Variants in RBM25 observed in about 807,000 individuals in gnomAD.
RBM25 encodes the protein RNA-binding protein 25.
RBM25 carries 19 observed loss-of-function variants against 120.7 expected under a neutral mutation model. The observed-to-expected ratio is 0.16, with a 90% CI of 0.11 to 0.23. RBM25 has a LOEUF of 0.23. Ranked by LOEUF, RBM25 falls within the 10% of genes least tolerant of loss-of-function variation. The pLI, the probability that RBM25 is intolerant of heterozygous loss-of-function variation, is 1.00. For synonymous variants in RBM25, 390 were observed against 326.7 expected, an observed-to-expected ratio of 1.19 and a Z score of -2.09; for missense variants, 605 against 1,041.5, an observed-to-expected ratio of 0.58 and a Z score of 5.77.
chr14:73,083,384 TTTTTA>T (rs1566588226), intron 4 of RBM25, 105 bp from the exon 5 acceptor site: 6 of 878,706 alleles, frequency 6.8e-6, no homozygotes, highest in Non-Finnish European at 6.5e-6. Context: ...AGTTGCTGGT[TTTTTA>T]TTTTATGTTT....
chr14:73,063,449 C>T (rs957835314), intron 1 of RBM25, among the ~76,000 whole-genome samples: 1 of 151,176 alleles, frequency 6.6e-6, no homozygotes. Flanking sequence ...GCGCCCGGCC[C>T]GGAGTTTCAT....
chr14:73,122,014 A>C lies in RBM25; in HGVS notation c.*2209A>C, dbSNP rs921934454. 7 of 152,246 alleles carry C rather than the reference A, an allele frequency of 4.6e-5. No individual in the cohort carries two copies. The highest frequency in any genetic ancestry group is 1.7e-4 in the African/African-American group (7 of 41,466). 9.4% of individuals were successfully genotyped at this position (152,246 alleles called of 1,614,324 possible). On this transcript the variant is annotated 3_prime_UTR_variant, in exon 19 of 19. Transcript: ENST00000261973. ...CAGTTTAAATCATGTTTTGTAACCA[A>C]GCTTCAGTAAAAGGCTTTAGATTGT...
intron 4 of RBM25, among the ~76,000 whole-genome samples, chr14:73,082,078 C>T (rs958655726): frequency 6.6e-6 from 1 of 152,112 alleles, no homozygotes; most frequent in Admixed American, 6.6e-5. Context: ...GTTGAGCTTC[C>T]AGGTTTGACC....
At chr14:73,068,060 T>A (rs1895184113) in intron 1 of RBM25, 1 of 515,376 alleles carries the variant, frequency 1.9e-6, no homozygotes, top group Non-Finnish European at 3.6e-6. Context: ...TGGTTTAGCG[T>A]GAGCAGTGAT....
At chr14:73,083,719 T>C (rs1250399868) in intron 5 of RBM25, among the ~76,000 whole-genome samples, 168 bp downstream of exon 5, 1 of 151,978 alleles carries the variant, frequency 6.6e-6, no homozygotes, top group African/African-American at 2.4e-5. Flanking sequence ...TGGGAAAATA[T>C]TGGCTGAGAA....
At chr14:73,083,622 C>G in intron 5 of RBM25, 71 bp downstream of exon 5, 1 of 1,085,594 alleles carries the variant, frequency 9.2e-7, no homozygotes, top group Non-Finnish European at 1.3e-6. Flanking sequence ...CTTTGCATGA[C>G]TTAACTCTCA....
intron 14 of RBM25, among the ~76,000 whole-genome samples, chr14:73,110,366 T>G (rs1460628984): frequency 6.6e-6 from 1 of 152,010 alleles, no homozygotes; most frequent in African/African-American, 2.4e-5. Flanking sequence ...TATGCTTTTT[T>G]GTAGAGATGG....
At chr14:73,095,934 A>T (rs957815438) in intron 6 of RBM25, among the ~76,000 whole-genome samples, 3 of 152,194 alleles carry the variant, frequency 2.0e-5, no homozygotes, top group Non-Finnish European at 4.4e-5. Context: ...TTAGAAGCCA[A>T]CAATTTTCCC....
intron 18 of RBM25, among the ~76,000 whole-genome samples, chr14:73,115,188 G>GTGTA (rs749617946): frequency 6.3e-5 from 9 of 142,922 alleles, no homozygotes; most frequent in Non-Finnish European, 1.4e-4. Context: ...GTGTGTGTGT[G>GTGTA]TTTTAAGTCG....
chr14:73,073,072 A>G (rs1198043813), intron 2 of RBM25, among the ~76,000 whole-genome samples: 1 of 152,046 alleles, frequency 6.6e-6, no homozygotes, highest in African/African-American at 2.4e-5. Flanking sequence ...TTTTGCCACC[A>G]TGTTCAGTTA....
chr14:73,069,769 AAAAAAAAAAAGT>A (rs1304676880), intron 1 of RBM25: 58 of 143,056 alleles, frequency 4.1e-4, no homozygotes, highest in African/African-American at 1.4e-3. Context: ...AAAAAAAAAA[AAAAAAAAAAAGT>A]GTGTTGCTGA....
At chr14:73,114,230 A>G in intron 17 of RBM25, 56 bp from the exon 18 acceptor site, 1 of 1,265,400 alleles carries the variant, frequency 7.9e-7, no homozygotes, top group Non-Finnish European at 1.1e-6. Flanking sequence ...AAATTTCTTG[A>G]CTGTATTGTT....
At chr14:73,063,422 T>C (rs1329106699) in intron 1 of RBM25, among the ~76,000 whole-genome samples, 1 of 151,320 alleles carries the variant, frequency 6.6e-6, no homozygotes, top group Non-Finnish European at 1.5e-5. Context: ...GTGCTGGGAT[T>C]ACAGGCTTGA....
rs911852431 is a variant in RBM25, at chr14:73,076,951, C to T, written c.157-418C>T. Among the ~76,000 whole-genome samples, 7 of 152,128 alleles carry T rather than the reference C, an allele frequency of 4.6e-5. No individual in the cohort carries two copies. The East Asian group carries it at 5.8e-4, about 13-fold the overall frequency. On this transcript the variant is annotated intron_variant, in intron 3 of 18. Transcript: ENST00000261973. Reference sequence around the variant, plus strand: ...AAAAAATTATCTAGGCTTGGTGGTGCGCGCCTGTAATCTCAGCTACTCGGG... The same window carrying T: ...AAAAAATTATCTAGGCTTGGTGGTGTGCGCCTGTAATCTCAGCTACTCGGG...
chr14:73,096,686 G>T (rs950279621), intron 6 of RBM25, among the ~76,000 whole-genome samples: 1 of 152,120 alleles, frequency 6.6e-6, no homozygotes, highest in Non-Finnish European at 1.5e-5. Flanking sequence ...TTAGGGACCA[G>T]AATTTTTTAG....
Position 73,076,487 on chromosome 14 carries a change from C to T in RBM25, c.156+119C>T, listed in dbSNP as rs976285788. On this transcript the variant is annotated intron_variant, in intron 3 of 18. Coordinates refer to ENST00000261973, the MANE Select transcript of RBM25 (RefSeq NM_021239.3). ...TAAAAGAATAACAAGGACAGAATGA[C>T]AGCACCCCTGTAGAGCATATCATTT... 6 of 874,688 alleles carry T rather than the reference C, an allele frequency of 6.9e-6. No homozygotes were observed. The East Asian group carries it at 1.3e-4, about 19-fold the overall frequency. The allele number at this position is 874,688 out of a possible 1,614,324, so 54.2% of individuals were successfully genotyped here. A position where few individuals can be genotyped will look rare whatever the true frequency, so the allele number is the denominator to read the frequency against.
At chr14:73,077,090 A>G (rs1895440829) in intron 3 of RBM25, among the ~76,000 whole-genome samples, 1 of 152,236 alleles carries the variant, frequency 6.6e-6, no homozygotes, top group African/African-American at 2.4e-5. Flanking sequence ...CAGAAAATAA[A>G]AGTAAAAATT....
intron 5 of RBM25, among the ~76,000 whole-genome samples, chr14:73,084,984 A>G (rs530061791): frequency 1.8e-4 from 28 of 151,968 alleles, no homozygotes; most frequent in Non-Finnish European, 3.4e-4. Flanking sequence ...GCCAGTGCCT[A>G]GATTGATTAA....
chr14:73,116,211 C>T (rs747292105), intron 18 of RBM25, among the ~76,000 whole-genome samples: 13 of 152,028 alleles, frequency 8.6e-5, no homozygotes, highest in Non-Finnish European at 1.3e-4. Context: ...GAGGAAAAAC[C>T]TAATTTAGTT....
Sources: allele counts gnomAD v4.1 joint callset (sites outside exome capture counted in the v4.1 genomes callset), GRCh38; gene constraint gnomAD v4.1.1; transcripts MANE v1.5; gene names NCBI Gene and HGNC (gene_info 2026-07-23, HGNC 2026-07-21).